Variants in PCGF3 observed in about 807,000 individuals in gnomAD.
PCGF3 encodes the protein polycomb group RING finger protein 3.
PCGF3 carries 7 observed loss-of-function variants against 33.1 expected under a neutral mutation model. The observed-to-expected ratio is 0.21, with a 90% CI of 0.12 to 0.40. The LOEUF (loss-of-function observed/expected upper bound fraction) is 0.40, where lower values mean the gene tolerates loss of function less well. Among genes scored for constraint, PCGF3 ranks in the 10% least tolerant of loss-of-function variants. The probability of loss-of-function intolerance (pLI) is 1.00; values close to 1 mark genes in which losing one functional copy is unlikely to be tolerated. For synonymous variants in PCGF3, 153 were observed against 121.3 expected (o/e 1.26, Z -1.72); for missense variants, 211 against 313.3 (o/e 0.67, Z 2.46).
At chr4:724,084 G>A (rs896497938) in intron 1 of PCGF3, 1 of 152,350 alleles carries the variant, frequency 6.6e-6, no homozygotes, top group Non-Finnish European at 1.5e-5. Flanking sequence ...GGGTCAGTTT[G>A]AGAACTTCAG....
At chr4:732,921 C>T (rs564159442) in intron 3 of PCGF3, among the ~76,000 whole-genome samples, 1 of 152,336 alleles carries the variant, frequency 6.6e-6, no homozygotes, top group African/African-American at 2.4e-5. Context: ...CGTGCGGTGA[C>T]ATCGGGGGTC....
intron 6 of PCGF3, among the ~76,000 whole-genome samples, chr4:739,132 C>T (rs1382882004): frequency 6.6e-6 from 1 of 152,176 alleles, no homozygotes; most frequent in East Asian, 1.9e-4. Context: ...GTAGAGATTC[C>T]TTAATACCAA....
At chr4:733,979 G>T in intron 4 of PCGF3, 190 bp downstream of exon 4, 1 of 1,551,342 alleles carries the variant, frequency 6.4e-7, no homozygotes, top group Non-Finnish European at 8.7e-7. Flanking sequence ...CCTGTGGGTG[G>T]TGTCAGAGCA....
chr4:707,548 C>T (rs1197609093), intron 1 of PCGF3, among the ~76,000 whole-genome samples: 3 of 118,422 alleles, frequency 2.5e-5, no homozygotes, highest in Admixed American at 7.9e-5. Flanking sequence ...CCTGTTTTCC[C>T]CTGGGGGTCG....
Position 720,464 on chromosome 4 carries a change from G to A in PCGF3, c.-189-10166G>A, listed in dbSNP as rs1482619785. 6.6e-6 allele frequency among the ~76,000 whole-genome samples: 1 copy of A among 152,182 alleles called. No homozygotes were observed. Among genetic ancestry groups the A allele is most frequent in the Non-Finnish European group, 1.5e-5 (1 of 68,020 alleles). On this transcript the variant is annotated intron_variant, in intron 1 of 10. Coordinates refer to ENST00000362003, the Ensembl canonical transcript of PCGF3. This position sits in a 1 kb window ranked among gnomAD's most constrained non-coding sequence, Gnocchi z 5.6. ...AGAGGTGCAGGGTCTCTTGTCAGGT[G>A]GACAGGGGCTGGCCCACCCGTGAGT... is the stretch of plus-strand genomic sequence containing the variant.
intron 1 of PCGF3, chr4:722,297 G>A (rs1045324846): frequency 1.8e-5 from 3 of 171,206 alleles, no homozygotes; most frequent in South Asian, 1.3e-4. Context: ...AGAAGCTACT[G>A]TGTTATCCAG....
At chr4:765,960 C>T (rs917251868) in intron 10 of PCGF3, 72 bp from the exon 11 acceptor site, 9 of 1,391,388 alleles carry the variant, frequency 6.5e-6, no homozygotes, top group Non-Finnish European at 9.2e-6. Flanking sequence ...CCTCAGCACC[C>T]TTCCCGATGA....
intron 9 of PCGF3, chr4:762,865 TTGC>T (rs1293120872): frequency 6.6e-6 from 1 of 152,318 alleles, no homozygotes; most frequent in East Asian, 1.9e-4. Flanking sequence ...CCACAATAAG[TTGC>T]TGATGTATTT....
At chr4:731,162 C>T (rs564918912) in intron 3 of PCGF3, 52 bp downstream of exon 3, 2 of 398,608 alleles carry the variant, frequency 5.0e-6, no homozygotes, top group Admixed American at 4.4e-5. Context: ...CTTGCCCTGC[C>T]CTGTTGCTGG....
chr4:708,256 C>G (rs1024441477), intron 1 of PCGF3, among the ~76,000 whole-genome samples: 1 of 152,126 alleles, frequency 6.6e-6, no homozygotes, highest in Non-Finnish European at 1.5e-5. Context: ...AGGCTAGGCT[C>G]TCAAAGAGGA....
intron 8 of PCGF3, among the ~76,000 whole-genome samples, chr4:760,701 C>G (rs1383106772): frequency 1.3e-5 from 2 of 152,222 alleles, no homozygotes; most frequent in African/African-American, 2.4e-5. Flanking sequence ...CCGGCCGGGC[C>G]CTTGGGTGAA....
chr4:735,843 C>T (rs1245698274), intron 5 of PCGF3, among the ~76,000 whole-genome samples: 4 of 152,266 alleles, frequency 2.6e-5, no homozygotes, highest in East Asian at 1.9e-4. Flanking sequence ...CTTGCCTGGA[C>T]GTCAGCAGGA....
intron 1 of PCGF3, among the ~76,000 whole-genome samples, chr4:726,678 C>T (rs1472800429): frequency 2.0e-5 from 3 of 152,192 alleles, no homozygotes; most frequent in Admixed American, 6.5e-5. Context: ...ACCCACCCGG[C>T]CCTGGTTATT....
chr4:769,682 AG>A (rs2152634408), exon 11 of PCGF3: 1 of 151,732 alleles, frequency 6.6e-6, no homozygotes, highest in South Asian at 2.1e-4. Flanking sequence ...AGTGCGTCTG[AG>A]GAACGAGCTG....
intron 7 of PCGF3, 104 bp downstream of exon 7, chr4:743,688 G>A: frequency 1.5e-6 from 1 of 674,682 alleles, no homozygotes; most frequent in Non-Finnish European, 2.6e-6. Flanking sequence ...ACGCACTCAC[G>A]GGAGAACGTG....
chr4:735,416 C>T (rs1444048139), intron 5 of PCGF3, among the ~76,000 whole-genome samples: 3 of 152,194 alleles, frequency 2.0e-5, no homozygotes, highest in Admixed American at 6.5e-5. Flanking sequence ...TATGGTGGTG[C>T]ATGCCTATAA....
At chr4:767,428 C>T (rs964514295) in exon 11 of PCGF3, 1 of 152,198 alleles carries the variant, frequency 6.6e-6, no homozygotes. Context: ...ATTGTCTTCT[C>T]CACCGGGCTG....
chr4:734,592 A>T (rs1743753668), intron 4 of PCGF3: 1 of 1,171,132 alleles, frequency 8.5e-7, no homozygotes, highest in South Asian at 3.2e-5. Flanking sequence ...ATCTTTTAGG[A>T]CAAAGTATTG....
At chr4:765,637 A>G (rs2152629336) in intron 10 of PCGF3, among the ~76,000 whole-genome samples, 1 of 152,202 alleles carries the variant, frequency 6.6e-6, no homozygotes, top group East Asian at 1.9e-4. Context: ...GAAGCAGGAA[A>G]CCAATGGTGG....
Sources: gnomAD v4.1 joint callset for allele counts (sites outside exome capture counted in the v4.1 genomes callset) on GRCh38, gnomAD v4.1.1 for gene constraint, Gnocchi (gnomAD v3.1) non-coding constraint, MANE v1.5 for transcripts, NCBI Gene and HGNC (gene_info 2026-07-23, HGNC 2026-07-21) for gene names.